The following GPC6 variants were observed in gnomAD, a reference collection of about 807,000 sequenced individuals.
GPC6 encodes the protein glypican-6.
Under a neutral mutation model 55.2 loss-of-function variants are expected in GPC6, and 14 were observed. The observed-to-expected ratio is 0.25, with a 90% CI of 0.17 to 0.40. The LOEUF (loss-of-function observed/expected upper bound fraction) is 0.40. Among genes scored for constraint, GPC6 ranks in the 10% least tolerant of loss-of-function variants. GPC6 has a pLI of 1.00. For missense variants in GPC6, 641 were observed against 708.5 expected (o/e 0.90, Z 1.08); for synonymous variants, 278 against 259.6 (o/e 1.07, Z -0.68).
At chr13:93,618,494 TG>T (rs1254735887) in intron 2 of GPC6, among the ~76,000 whole-genome samples, 1 of 152,034 alleles carries the variant, frequency 6.6e-6, no homozygotes, top group Non-Finnish European at 1.5e-5. Flanking sequence ...TTTGATAAAA[TG>T]TGCAATTAGG....
chr13:93,984,107 C>T (rs549026731), intron 3 of GPC6, among the ~76,000 whole-genome samples: 1 of 152,128 alleles, frequency 6.6e-6, no homozygotes, highest in African/African-American at 2.4e-5. Context: ...CCAGAGGCTC[C>T]TGCAGCTCAA....
In GPC6 at chr13:93,980,011, T is replaced by C. The variant is rs142837982; in HGVS notation, c.712-47718T>C. Among the ~76,000 whole-genome samples the C allele has an allele frequency of 2.0e-5, 3 of 152,284 alleles. No homozygotes were observed. In the East Asian group the frequency reaches 5.8e-4, roughly 29 times the overall value. On this transcript the variant is annotated intron_variant, in intron 3 of 8. Transcript: ENST00000377047. ...ACTTACATCAGAGCTTGAAGAACTT[T>C]CCTTCTAGCTCTCAGGCAACCTCTT...
chr13:94,271,163 T>TC (rs1891994243), intron 4 of GPC6, among the ~76,000 whole-genome samples: 1 of 150,996 alleles, frequency 6.6e-6, no homozygotes. Context: ...GCTAATTTTT[T>TC]GTATTTTTTA....
intron 2 of GPC6, among the ~76,000 whole-genome samples, chr13:93,665,224 T>C (rs1260031355): frequency 6.6e-6 from 1 of 152,154 alleles, no homozygotes; most frequent in African/African-American, 2.4e-5. Flanking sequence ...ATGGCAAAAA[T>C]AGTAAATAAG....
chr13:93,785,150 A>C (rs1885781993), intron 2 of GPC6, among the ~76,000 whole-genome samples: 1 of 152,180 alleles, frequency 6.6e-6, no homozygotes, highest in African/African-American at 2.4e-5. Flanking sequence ...AAACTGCTAA[A>C]ATTACGATTC....
At chr13:94,389,100 G>A (rs115221028) in intron 7 of GPC6, among the ~76,000 whole-genome samples, 2 of 152,182 alleles carry the variant, frequency 1.3e-5, no homozygotes, top group Admixed American at 6.5e-5. Context: ...AGGGGTAAAT[G>A]TGAGAAGACA....
chr13:94,290,904 T>C (rs1174089409), intron 5 of GPC6, among the ~76,000 whole-genome samples: 1 of 152,118 alleles, frequency 6.6e-6, no homozygotes, highest in Admixed American at 6.5e-5. Flanking sequence ...AGAAATAATA[T>C]AGGGAGACCG....
chr13:94,217,754 C>T (rs1042393148), intron 4 of GPC6, among the ~76,000 whole-genome samples: 1 of 152,146 alleles, frequency 6.6e-6, no homozygotes, highest in African/African-American at 2.4e-5. Flanking sequence ...TGGTTAAGAG[C>T]ACAGGCTTCG....
intron 5 of GPC6, among the ~76,000 whole-genome samples, chr13:94,291,697 C>CT (rs58413609): frequency 0.032 from 4,323 of 135,762 alleles, 77 homozygotes; most frequent in Middle Eastern, 0.051. Context: ...TTGAATTTAT[C>CT]TTTTTTTTTT....
intron 1 of GPC6, among the ~76,000 whole-genome samples, chr13:93,525,196 C>T (rs7328826): frequency 0.057 from 8,690 of 152,072 alleles, 813 homozygotes; most frequent in African/African-American, 0.2. Flanking sequence ...AGAGAATTTA[C>T]TCTGAATCCC....
intron 4 of GPC6, among the ~76,000 whole-genome samples, chr13:94,274,999 G>T (rs1386750631): frequency 1.3e-5 from 2 of 152,204 alleles, no homozygotes; most frequent in Non-Finnish European, 2.9e-5. Context: ...CATGGCAGGA[G>T]AGTAGGGAGA....
At position 93,720,024 on chromosome 13, in the gene GPC6, A is replaced by T. The variant is rs552909367; in HGVS notation, c.320-110130A>T. On this transcript the variant is annotated intron_variant, in intron 2 of 8. Transcript: ENST00000377047. Reference sequence around the variant, plus strand: ...GAATTTTCGTATTGATGTTCATCTGATATATTGGCCTGAAATTTTCTTTTT... The same window carrying T: ...GAATTTTCGTATTGATGTTCATCTGTTATATTGGCCTGAAATTTTCTTTTT... Among the ~76,000 whole-genome samples the T allele has an allele frequency of 3.3e-5, 5 of 151,808 alleles. No homozygotes were observed. The South Asian group carries it at 8.3e-4, about 25-fold the overall frequency.
intron 1 of GPC6, among the ~76,000 whole-genome samples, chr13:93,377,939 C>T (rs1471941480): frequency 5.3e-5 from 8 of 152,124 alleles, no homozygotes; most frequent in Admixed American, 6.6e-5. Flanking sequence ...TCAAGTAAAT[C>T]GGTTGTATTT....
intron 3 of GPC6, among the ~76,000 whole-genome samples, chr13:93,944,805 G>A (rs1026240001): frequency 1.3e-5 from 2 of 152,148 alleles, no homozygotes; most frequent in African/African-American, 2.4e-5. Flanking sequence ...TAGGTGTATC[G>A]GAATTGGGAG....
chr13:93,703,839 G>A (rs541100612), intron 2 of GPC6, among the ~76,000 whole-genome samples: 2 of 151,858 alleles, frequency 1.3e-5, no homozygotes, highest in Admixed American at 1.3e-4. Context: ...GCAGCCAACT[G>A]TTTAATATCA....
intron 1 of GPC6, among the ~76,000 whole-genome samples, chr13:93,358,957 T>C (rs1880948121): frequency 6.6e-6 from 1 of 151,318 alleles, no homozygotes; most frequent in South Asian, 2.1e-4. Flanking sequence ...AGAAATGTAT[T>C]GCCTTAATTC....
chr13:93,583,482 G>C (rs1341783541), intron 2 of GPC6, among the ~76,000 whole-genome samples: 1 of 152,054 alleles, frequency 6.6e-6, no homozygotes, highest in Non-Finnish European at 1.5e-5. Context: ...GCAGTGGCGC[G>C]ATATCGGCTC....
chr13:94,340,183 A>G (rs1358502005), intron 6 of GPC6, among the ~76,000 whole-genome samples: 1 of 152,178 alleles, frequency 6.6e-6, no homozygotes, highest in Non-Finnish European at 1.5e-5. Flanking sequence ...GGCAACTGGG[A>G]GAAACTTAAA....
Position 94,335,945 on chromosome 13 carries a change from A to G in GPC6, c.1152+29822A>G, listed in dbSNP as rs570395786. Among the ~76,000 whole-genome samples the G allele has an allele frequency of 6.0e-5, 9 of 150,900 alleles. No homozygotes were observed. In the East Asian group the frequency reaches 1.8e-3, roughly 29 times the overall value. ...CTTCTTGTTTGGTCATCTGCAGCAT[A>G]AAGGGTGTAGAGAGGAGAGTCAGAG... On this transcript the variant is annotated intron_variant, in intron 6 of 8. Coordinates refer to ENST00000377047, the MANE Select transcript of GPC6 (RefSeq NM_005708.5).
Sources: gnomAD v4.1 joint callset for allele counts (sites outside exome capture counted in the v4.1 genomes callset) on GRCh38, gnomAD v4.1.1 for gene constraint, MANE v1.5 for transcripts, NCBI Gene and HGNC (gene_info 2026-07-23, HGNC 2026-07-21) for gene names.